Variants in PSAP observed in about 807,000 individuals in gnomAD.
PSAP encodes precursor of saposins.
A neutral mutation model predicts 66.0 loss-of-function variants in PSAP; 25 were observed. The ratio of observed to expected loss-of-function variants is 0.38; its 90% CI spans 0.28 to 0.53. The LOEUF (loss-of-function observed/expected upper bound fraction) is 0.53, where lower values mean the gene tolerates loss of function less well. Ranked by LOEUF, PSAP falls within the 20% of genes least tolerant of loss-of-function variation. The pLI is 0.83. For synonymous variants in PSAP, 273 were observed against 258.9 expected (o/e 1.05, Z -0.52); for missense variants, 649 against 668.8 (o/e 0.97, Z 0.33).
In PSAP at chr10:71,841,458, C is replaced by CT. The variant is rs1401542999; in HGVS notation, c.41-6954dup. ...TAGGAATACTGCCTTCACTTGAAAT[C>CT]TAAAATGTTCAGACCACAGCATGGG... On this transcript the variant is annotated intron_variant, in intron 1 of 13. Transcript: ENST00000394936. Among the ~76,000 whole-genome samples, 5 of 152,328 alleles carry CT rather than the reference C, an allele frequency of 3.3e-5. No homozygotes were observed. The East Asian group carries it at 9.6e-4, about 29-fold the overall frequency.
In PSAP at chr10:71,819,120, G is replaced by T. The variant is rs921514800; in HGVS notation, c.1351-9C>A. On this transcript the variant is annotated splice_polypyrimidine_tract_variant and intron_variant, in intron 11 of 13. Coordinates refer to ENST00000394936, the MANE Select transcript of PSAP (RefSeq NM_002778.4). ...GCCACAAACTGATCACACTATAAAGGAAAGTGGGGACACAGGTCCAGCTCT... is the reference window on the plus strand; with the variant it reads ...GCCACAAACTGATCACACTATAAAGTAAAGTGGGGACACAGGTCCAGCTCT... 6.2e-7 allele frequency: 1 copy of T among 1,612,706 alleles called. No homozygotes were observed. Among genetic ancestry groups the T allele is most frequent in the African/African-American group, 1.3e-5 (1 of 74,892 alleles).
chr10:71,843,975 CATT>C (rs1412633116), intron 1 of PSAP, among the ~76,000 whole-genome samples: 2 of 152,186 alleles, frequency 1.3e-5, no homozygotes, highest in Non-Finnish European at 2.9e-5. Context: ...GTAAATCTAA[CATT>C]ATCTCAAATT....
At chr10:71,829,772 G>A (rs1842474579) in intron 4 of PSAP, among the ~76,000 whole-genome samples, 1 of 152,056 alleles carries the variant, frequency 6.6e-6, no homozygotes, top group Non-Finnish European at 1.5e-5. Flanking sequence ...GCCGAGGCGG[G>A]CGGATCGCCT....
Position 71,818,647 on chromosome 10 carries a change from G to A in PSAP, c.1509C>T (p.Cys503=). ...ACTGGGCTGCTGTCTCTGTGTTCTG[G>A]CACCAGTAGCTTGGGCCCCATATAC... is the stretch of plus-strand genomic sequence containing the variant. The part of the protein sequence containing the change: ...EKCIWGPSYW[C]QNTETAAQCN... Residue 503 remains cysteine (C), a synonymous_variant, in exon 13 of 14, where the codon TGC becomes TGT. Transcript: ENST00000394936. The A allele has an allele frequency of 6.2e-7, 1 of 1,613,990 alleles. No individual in the cohort carries two copies. Among genetic ancestry groups the A allele is most frequent in the Non-Finnish European group, 8.5e-7 (1 of 1,180,026 alleles).
Position 71,844,176 on chromosome 10 carries a change from T to C in PSAP, c.40+7006A>G, listed in dbSNP as rs549220489. On this transcript the variant is annotated intron_variant, in intron 1 of 13. Coordinates refer to ENST00000394936, the MANE Select transcript of PSAP (RefSeq NM_002778.4). ...CAGTAACTGGAAACTGAATACGTTA[T>C]GGAATGGCAACTGCCAAGATCATTT... 4.6e-5 allele frequency among the ~76,000 whole-genome samples: 7 copies of C among 152,374 alleles called. No homozygotes were observed. In the East Asian group the frequency reaches 9.6e-4, roughly 21 times the overall value.
chr10:71,824,013 G>C, intron 7 of PSAP: 3 of 709,938 alleles, frequency 4.2e-6, no homozygotes, highest in Non-Finnish European at 6.5e-6. Flanking sequence ...GATGTCCCAA[G>C]AGGTTCAGGG....
At position 71,844,172 on chromosome 10, in the gene PSAP, G is replaced by A. The variant is rs7917605; in HGVS notation, c.40+7010C>T. On this transcript the variant is annotated intron_variant, in intron 1 of 13. Coordinates refer to ENST00000394936, the MANE Select transcript of PSAP (RefSeq NM_002778.4). ...CATGCAGTAACTGGAAACTGAATACGTTATGGAATGGCAACTGCCAAGATC... is the reference window on the plus strand; with the variant it reads ...CATGCAGTAACTGGAAACTGAATACATTATGGAATGGCAACTGCCAAGATC... 6.0e-3 allele frequency among the ~76,000 whole-genome samples: 918 copies of A among 152,326 alleles called. 10 individuals are homozygous for A. The highest frequency in any genetic ancestry group is 0.021 in the African/African-American group (872 of 41,574).
intron 4 of PSAP, among the ~76,000 whole-genome samples, chr10:71,829,738 C>T (rs1446239122): frequency 2.6e-5 from 4 of 152,194 alleles, no homozygotes; most frequent in Non-Finnish European, 4.4e-5. Flanking sequence ...GTGGCTCACA[C>T]CTGTAATCCC....
chr10:71,821,742 C>T, intron 8 of PSAP, 134 bp downstream of exon 8: 1 of 1,236,684 alleles, frequency 8.1e-7, no homozygotes, highest in East Asian at 2.5e-5. Flanking sequence ...AACCAGTGAT[C>T]ACAAACTCAA....
chr10:71,849,080 G>A (rs1181268540), intron 1 of PSAP, among the ~76,000 whole-genome samples: 2 of 151,952 alleles, frequency 1.3e-5, no homozygotes, highest in Admixed American at 6.6e-5. Flanking sequence ...GTGACTCAAC[G>A]TCAACAAGAA....
intron 7 of PSAP, chr10:71,823,761 G>A (rs1842348131): frequency 3.2e-6 from 2 of 633,386 alleles, no homozygotes; most frequent in Non-Finnish European, 4.9e-6. Flanking sequence ...AACAGAGAGG[G>A]AGCCTGCCTC....
At chr10:71,825,919 A>T in intron 6 of PSAP, 26 bp from the exon 7 acceptor site, 1 of 1,600,824 alleles carries the variant, frequency 6.2e-7, no homozygotes, top group South Asian at 1.1e-5. Flanking sequence ...CAGATTGCTA[A>T]ACAAATCACT....
rs772359680 is a variant in PSAP at position 71,834,352 on chromosome 10, T to C, written c.174+20A>G. The C allele has an allele frequency of 1.9e-6, 3 of 1,613,084 alleles. No individual in the cohort carries two copies. In the Admixed American group the frequency reaches 5.0e-5, roughly 27 times the overall value. ...CCAAGAGGAGTGCTGCGGCTGGGAC[T>C]GGAGGGCAGCGGCACTCACCACTGT... is the stretch of plus-strand genomic sequence containing the variant. On this transcript the variant is annotated intron_variant, in intron 2 of 13. Coordinates refer to ENST00000394936, the MANE Select transcript of PSAP (RefSeq NM_002778.4).
At position 71,831,906 on chromosome 10, in the gene PSAP, G is replaced by A. The variant is rs111369573; in HGVS notation, c.189C>T (p.Cys63=). 6,344 of 1,613,890 alleles carry A rather than the reference G, an allele frequency of 3.9e-3. 25 individuals are homozygous for A. The highest frequency in any genetic ancestry group is 5.0e-3 in the Non-Finnish European group (5,910 of 1,179,886). Residue 63 remains cysteine, a synonymous_variant, in exon 3 of 14, where the codon TGC becomes TGT. Transcript: ENST00000394936. ...WNKPTVKSLP[C]DICKDVVTAA... is the part of the protein sequence containing the mutation. ...CGGTGACAACGTCTTTGCATATGTC[G>A]CAGGGAAGGGATTTCTAAGAGAAAG...
intron 7 of PSAP, among the ~76,000 whole-genome samples, chr10:71,824,796 A>G (rs1842370266): frequency 6.6e-6 from 1 of 152,266 alleles, no homozygotes; most frequent in African/African-American, 2.4e-5. Context: ...TCTACACAGT[A>G]TAACTTTTAT....
intron 1 of PSAP, among the ~76,000 whole-genome samples, chr10:71,850,554 C>G (rs1842908148): frequency 6.6e-6 from 1 of 152,210 alleles, no homozygotes; most frequent in South Asian, 2.1e-4. Flanking sequence ...CCACCTTAGG[C>G]ACATGTTCTC....
At chr10:71,846,425 T>TAA (rs397943634) in intron 1 of PSAP, among the ~76,000 whole-genome samples, 1,411 of 115,874 alleles carry the variant, frequency 0.012, 30 homozygotes, top group African/African-American at 0.04. Flanking sequence ...TTAAAGCCCT[T>TAA]AAAAAAAAAA....
At chr10:71,840,082 T>C (rs1178632331) in intron 1 of PSAP, among the ~76,000 whole-genome samples, 1 of 152,118 alleles carries the variant, frequency 6.6e-6, no homozygotes, top group Non-Finnish European at 1.5e-5. Flanking sequence ...TTTCCTAGAA[T>C]GTGATAAAAC....
intron 7 of PSAP, among the ~76,000 whole-genome samples, chr10:71,824,896 G>A (rs1842372220): frequency 6.6e-6 from 1 of 152,184 alleles, no homozygotes; most frequent in African/African-American, 2.4e-5. Flanking sequence ...TCAGGTGCAT[G>A]TCTCTGTAAG....
Sources: gnomAD v4.1 joint callset for allele counts (sites outside exome capture counted in the v4.1 genomes callset) on GRCh38, gnomAD v4.1.1 for gene constraint, MANE v1.5 for transcripts, NCBI Gene and HGNC (gene_info 2026-07-23, HGNC 2026-07-21) for gene names.